The following RNF214 variants were observed in gnomAD, a reference collection of about 807,000 sequenced individuals.
RNF214 encodes the protein ring finger protein 214.
RNF214 carries 25 observed loss-of-function variants against 75.9 expected under a neutral mutation model. The observed-to-expected ratio is 0.33, with a 90% CI of 0.24 to 0.46. RNF214 has a LOEUF of 0.46. RNF214 is among the 20% of genes least tolerant of loss of function. RNF214 has a pLI of 1.00. For synonymous variants in RNF214, 314 were observed against 308.8 expected, an observed-to-expected ratio of 1.02 and a Z score of -0.18; for missense variants, 725 against 857.5, an observed-to-expected ratio of 0.85 and a Z score of 1.93.
At chr11:117,254,635 T>G (rs1418166153) in intron 6 of RNF214, among the ~76,000 whole-genome samples, 1 of 152,060 alleles carries the variant, frequency 6.6e-6, no homozygotes, top group African/African-American at 2.4e-5. Flanking sequence ...TCTTCTTTTT[T>G]TTTTTTGAGA....
Position 117,285,193 on chromosome 11 carries a change from A to G in RNF214, c.*42A>G. 1 of 1,368,800 alleles carries G rather than the reference A, an allele frequency of 7.3e-7. No individual in the cohort carries two copies. Among genetic ancestry groups the G allele is most frequent in the Non-Finnish European group, 1.0e-6 (1 of 956,554 alleles). The allele number at this position is 1,368,800 out of a possible 1,614,324, so 84.8% of individuals were successfully genotyped here. On this transcript the variant is annotated 3_prime_UTR_variant, in exon 15 of 15. Coordinates refer to ENST00000300650, the MANE Select transcript of RNF214 (RefSeq NM_207343.4). ...GGAAGAAGAAGAGAAACTGATGTGA[A>G]CAGGAAGCGCGGGTTCAAGATTTCT...
At chr11:117,242,383 A>G (rs1156863784) in intron 4 of RNF214, among the ~76,000 whole-genome samples, 1 of 152,240 alleles carries the variant, frequency 6.6e-6, no homozygotes, top group East Asian at 1.9e-4. Context: ...CATTAACCAG[A>G]TGAAGCCAAG....
intron 4 of RNF214, among the ~76,000 whole-genome samples, chr11:117,242,791 T>A (rs537780596): frequency 3.9e-4 from 59 of 152,130 alleles, no homozygotes; most frequent in African/African-American, 1.4e-3. Context: ...GAGGCGGAGG[T>A]TGCCGTAAGC....
At chr11:117,254,393 C>T (rs970265741) in intron 6 of RNF214, among the ~76,000 whole-genome samples, 4 of 152,166 alleles carry the variant, frequency 2.6e-5, no homozygotes, top group Non-Finnish European at 5.9e-5. Context: ...TAAATTTACA[C>T]TTTGACCGTA....
intron 6 of RNF214, among the ~76,000 whole-genome samples, chr11:117,273,935 G>T (rs2033960505): frequency 6.6e-6 from 1 of 152,070 alleles, no homozygotes; most frequent in Admixed American, 6.6e-5. Context: ...TATCTTAAAG[G>T]GAAAACTTAA....
chr11:117,283,238 C>T, intron 14 of RNF214, 28 bp downstream of exon 14: 2 of 1,434,050 alleles, frequency 1.4e-6, no homozygotes, highest in Non-Finnish European at 1.9e-6. Flanking sequence ...TCCTCATTTT[C>T]TACACTTTTT....
chr11:117,246,521 A>G (rs912599816), intron 5 of RNF214, among the ~76,000 whole-genome samples: 4 of 152,240 alleles, frequency 2.6e-5, no homozygotes, highest in Admixed American at 1.3e-4. Flanking sequence ...TTTGAACACC[A>G]GTAATGAAGA....
intron 6 of RNF214, among the ~76,000 whole-genome samples, chr11:117,267,444 G>A (rs2033819085): frequency 6.6e-6 from 1 of 152,034 alleles, no homozygotes; most frequent in African/African-American, 2.4e-5. Flanking sequence ...AGGTGCAATG[G>A]CTCACACCTG....
At chr11:117,272,437 G>T (rs1397217679) in intron 6 of RNF214, among the ~76,000 whole-genome samples, 1 of 152,116 alleles carries the variant, frequency 6.6e-6, no homozygotes, top group East Asian at 1.9e-4. Flanking sequence ...GGTCAGTTGG[G>T]GGGGTAGGGA....
chr11:117,279,758 GAAGA>G (rs1199096502), intron 6 of RNF214, 146 bp from the exon 7 acceptor site: 7 of 562,592 alleles, frequency 1.2e-5, no homozygotes, highest in East Asian at 5.8e-5. Context: ...AAAGAATAAA[GAAGA>G]AAGAAAAATA....
At chr11:117,280,883 C>A (rs867144630) in intron 8 of RNF214, among the ~76,000 whole-genome samples, 1 of 151,364 alleles carries the variant, frequency 6.6e-6, no homozygotes, top group Non-Finnish European at 1.5e-5. Context: ...CAAAGGAATT[C>A]GAATCTTGGG....
intron 6 of RNF214, among the ~76,000 whole-genome samples, chr11:117,275,828 A>G (rs553335385): frequency 4.3e-4 from 65 of 152,292 alleles, no homozygotes; most frequent in African/African-American, 1.5e-3. Context: ...ACTGATACCA[A>G]TCCTACTGGA....
chr11:117,246,261 G>C (rs1420936546), intron 5 of RNF214, among the ~76,000 whole-genome samples: 3 of 151,002 alleles, frequency 2.0e-5, no homozygotes, highest in Non-Finnish European at 4.4e-5. Flanking sequence ...ACTGTGCCTG[G>C]CCTGTTTGAC....
chr11:117,240,603 G>C (rs972792541), intron 4 of RNF214, among the ~76,000 whole-genome samples: 1 of 151,842 alleles, frequency 6.6e-6, no homozygotes, highest in African/African-American at 2.4e-5. Flanking sequence ...CAGGAGAATG[G>C]CTTGAACCCA....
intron 6 of RNF214, among the ~76,000 whole-genome samples, chr11:117,247,221 G>A (rs918281047): frequency 1.5e-4 from 23 of 152,080 alleles, no homozygotes; most frequent in African/African-American, 5.1e-4. Flanking sequence ...TGGACGTAGC[G>A]GCTCACACCT....
intron 2 of RNF214, among the ~76,000 whole-genome samples, chr11:117,236,807 G>A (rs1461032354): frequency 6.6e-6 from 1 of 152,186 alleles, no homozygotes; most frequent in Non-Finnish European, 1.5e-5. Flanking sequence ...TCATACACTA[G>A]TAATAATGGC....
chr11:117,264,180 G>A lies in RNF214; in HGVS notation c.960-15728G>A, dbSNP rs551549795. ...TACTAAAAATACAAAAAAATTAGCC[G>A]GTCGTGGTGGCGGGCGCCTGTGGTC... On this transcript the variant is annotated intron_variant, in intron 6 of 14. Coordinates refer to ENST00000300650, the MANE Select transcript of RNF214 (RefSeq NM_207343.4). Among the ~76,000 whole-genome samples the A allele has an allele frequency of 7.2e-5, 11 of 152,162 alleles. No homozygotes were observed. In the East Asian group the frequency reaches 7.7e-4, roughly 11 times the overall value.
intron 14 of RNF214, 130 bp from the exon 15 acceptor site, chr11:117,284,956 A>G (rs1591846436): frequency 6.2e-6 from 4 of 648,874 alleles, no homozygotes; most frequent in South Asian, 5.6e-5. Context: ...ACAGCAACAA[A>G]AAAAGCCCCT....
intron 6 of RNF214, among the ~76,000 whole-genome samples, chr11:117,252,762 C>T (rs1336025391): frequency 2.0e-5 from 3 of 151,746 alleles, no homozygotes; most frequent in African/African-American, 4.8e-5. Context: ...CCTCCTGTTC[C>T]GCCCGCCTTG....
Sources: allele counts gnomAD v4.1 joint callset (sites outside exome capture counted in the v4.1 genomes callset), GRCh38; gene constraint gnomAD v4.1.1; transcripts MANE v1.5; gene names NCBI Gene and HGNC (gene_info 2026-07-23, HGNC 2026-07-21).